Variants in CPEB4 observed in about 807,000 individuals in gnomAD.
CPEB4 encodes the protein cytoplasmic polyadenylation element-binding protein 4.
CPEB4 carries 12 observed loss-of-function variants against 72.5 expected under a neutral mutation model. The ratio of observed to expected loss-of-function variants is 0.17; its 90% CI spans 0.11 to 0.27. CPEB4 has a LOEUF of 0.27. CPEB4 is among the 10% of genes least tolerant of loss of function. CPEB4 has a pLI of 1.00. For synonymous variants in CPEB4, 302 were observed against 326.3 expected, an observed-to-expected ratio of 0.93 and a Z score of 0.80; for missense variants, 614 against 908.5, an observed-to-expected ratio of 0.68 and a Z score of 4.17.
intron 1 of CPEB4, chr5:173,891,696 G>A: frequency 6.6e-6 from 1 of 152,114 alleles, no homozygotes; most frequent in African/African-American, 2.4e-5. Context: ...TTGAATTAAT[G>A]AGCAGCAAGT....
chr5:173,933,280 T>C (rs1026732658), intron 3 of CPEB4, among the ~76,000 whole-genome samples: 6 of 152,226 alleles, frequency 3.9e-5, no homozygotes, highest in Non-Finnish European at 8.8e-5. Flanking sequence ...ATGGACTAAA[T>C]AGCTATATTC....
intron 1 of CPEB4, among the ~76,000 whole-genome samples, chr5:173,898,912 C>T (rs1045204890): frequency 1.3e-5 from 2 of 152,184 alleles, no homozygotes; most frequent in African/African-American, 2.4e-5. Flanking sequence ...GTGATCCGCT[C>T]GCTTTGGCCT....
At chr5:173,913,799 A>G (rs546030812) in intron 2 of CPEB4, among the ~76,000 whole-genome samples, 1 of 152,212 alleles carries the variant, frequency 6.6e-6, no homozygotes, top group Non-Finnish European at 1.5e-5. Context: ...CTGCAACGTG[A>G]TGGAATAGAA....
At chr5:173,943,691 T>A (rs1353640404) in intron 4 of CPEB4, among the ~76,000 whole-genome samples, 3 of 152,192 alleles carry the variant, frequency 2.0e-5, no homozygotes, top group Non-Finnish European at 2.9e-5. Flanking sequence ...GATAAGTGAT[T>A]TTTTTAAGAT....
intron 2 of CPEB4, among the ~76,000 whole-genome samples, chr5:173,932,009 C>T (rs781550773): frequency 1.3e-5 from 2 of 152,168 alleles, no homozygotes; most frequent in Non-Finnish European, 2.9e-5. Context: ...TTTCCCCAAA[C>T]CTGAAATTAA....
At chr5:173,901,647 G>C (rs1756237004) in intron 1 of CPEB4, among the ~76,000 whole-genome samples, 1 of 152,164 alleles carries the variant, frequency 6.6e-6, no homozygotes, top group Non-Finnish European at 1.5e-5. Flanking sequence ...CACTTACTGT[G>C]TGACTTTGTA....
At chr5:173,914,493 C>T (rs1756790365) in intron 2 of CPEB4, among the ~76,000 whole-genome samples, 1 of 152,154 alleles carries the variant, frequency 6.6e-6, no homozygotes, top group Admixed American at 6.5e-5. Flanking sequence ...TGGTAGCTCA[C>T]ACCTGTAACC....
At position 173,889,257 on chromosome 5, in the gene CPEB4, C is replaced by T. The variant is rs1287217871; in HGVS notation, c.-477C>T. The T allele has an allele frequency of 6.6e-6, 1 of 151,678 alleles. No individual in the cohort carries two copies. The highest frequency in any genetic ancestry group is 1.5e-5 in the Non-Finnish European group (1 of 68,014). The allele number at this position is 151,678 out of a possible 1,614,324, so 9.4% of individuals were successfully genotyped here. A position where few individuals can be genotyped will look rare whatever the true frequency, so the allele number is the denominator to read the frequency against. On this transcript the variant is annotated 5_prime_UTR_variant, in exon 1 of 10. Coordinates refer to ENST00000265085, the MANE Select transcript of CPEB4 (RefSeq NM_030627.4). Reference sequence around the variant, plus strand: ...AAAAGAACGTATTCCCCTCTTAGTCCTATTCTAATTTTTATGTGAGTGAAT... The same window carrying T: ...AAAAGAACGTATTCCCCTCTTAGTCTTATTCTAATTTTTATGTGAGTGAAT...
chr5:173,890,526 A>C lies in CPEB4; in HGVS notation c.793A>C (p.Asn265His), dbSNP rs745317930. 6.2e-7 allele frequency: 1 copy of C among 1,614,052 alleles called. No individual in the cohort carries two copies. The highest frequency in any genetic ancestry group is 8.5e-7 in the Non-Finnish European group (1 of 1,180,012). ...SPHPPPFTHR[N>H]AAFNQLPHLA... Reference sequence around the variant, plus strand: ...CCATCCCCCACCCTTCACACATAGAAATGCTGCTTTTAACCAGCTGCCTCA... The same window carrying C: ...CCATCCCCCACCCTTCACACATAGACATGCTGCTTTTAACCAGCTGCCTCA... The change falls in exon 1 of 10, where the codon AAT (asparagine) becomes CAT (histidine). Residue 265 changes from asparagine to histidine, a missense_variant. Physicochemically the swap from Asn to His is moderately conservative, Grantham distance 68. Coordinates refer to ENST00000265085, the MANE Select transcript of CPEB4 (RefSeq NM_030627.4).
In CPEB4 at chr5:173,890,269, C is replaced by T; in HGVS notation, c.536C>T (p.Ser179Phe). ...TGGTCAGCAGCGATAGCGCCTTCCT[C>T]CTCTACAATAATCAATGAAGATGCA... ...SNWSAAIAPSSSTIINEDASF... is the reference protein window; with the variant it reads ...SNWSAAIAPSFSTIINEDASF... The change falls in exon 1 of 10, where the codon TCC becomes TTC. Residue 179 changes from serine (S) to phenylalanine (F), a missense_variant. Physicochemically the swap from Ser to Phe is radical, Grantham distance 155. Transcript: ENST00000265085. The T allele has an allele frequency of 6.2e-7, 1 of 1,614,106 alleles. No individual in the cohort carries two copies. The highest frequency in any genetic ancestry group is 8.5e-7 in the Non-Finnish European group (1 of 1,179,976).
chr5:173,902,274 A>T (rs183409198), intron 1 of CPEB4, among the ~76,000 whole-genome samples: 1 of 152,306 alleles, frequency 6.6e-6, no homozygotes, highest in East Asian at 1.9e-4. Context: ...CAGAAAGAGA[A>T]ACTTCTGTAG....
chr5:173,921,516 T>C (rs1334585037), intron 2 of CPEB4, among the ~76,000 whole-genome samples: 2 of 152,190 alleles, frequency 1.3e-5, no homozygotes, highest in African/African-American at 4.8e-5. Flanking sequence ...TTTTGGAGCT[T>C]CCTGACATCT....
rs1332325837 is a variant in CPEB4 at position 173,900,558 on chromosome 5, C to T, written c.1125+9700C>T. 6.6e-6 allele frequency among the ~76,000 whole-genome samples: 1 copy of T among 152,150 alleles called. No individual in the cohort carries two copies. The highest frequency in any genetic ancestry group is 2.4e-5 in the African/African-American group (1 of 41,424). ...CAAGGCTGAGTGTTAGTATTGTTTACCTGCTTTCCTTGAACTAATGACTTC... is the reference window on the plus strand; with the variant it reads ...CAAGGCTGAGTGTTAGTATTGTTTATCTGCTTTCCTTGAACTAATGACTTC... On this transcript the variant is annotated intron_variant, in intron 1 of 9. Coordinates refer to ENST00000265085, the MANE Select transcript of CPEB4 (RefSeq NM_030627.4). The surrounding 1 kb of genome is among the most constrained non-coding windows in gnomAD (Gnocchi z 4.4).
rs145867682 is a variant in CPEB4 at position 173,897,804 on chromosome 5, G to T, written c.1125+6946G>T. 3.3e-3 allele frequency among the ~76,000 whole-genome samples: 502 copies of T among 151,992 alleles called. 1 individual carries two copies. Among genetic ancestry groups the T allele is most frequent in the African/African-American group, 0.012 (480 of 41,486 alleles). On this transcript the variant is annotated intron_variant, in intron 1 of 9. Transcript: ENST00000265085. Reference sequence around the variant, plus strand: ...TTTTTAGAAAATTATAATGTTTTTGGAAAAATATTTGGAAAGTGTAATTAT... The same window carrying T: ...TTTTTAGAAAATTATAATGTTTTTGTAAAAATATTTGGAAAGTGTAATTAT...
chr5:173,952,956 T>G, intron 8 of CPEB4, 135 bp from the exon 9 acceptor site: 1 of 688,562 alleles, frequency 1.5e-6, no homozygotes, highest in Non-Finnish European at 2.4e-6. Context: ...TGACTGGTTG[T>G]AGTAATGTTT....
chr5:173,913,843 C>G (rs182072728), intron 2 of CPEB4, among the ~76,000 whole-genome samples: 1 of 152,176 alleles, frequency 6.6e-6, no homozygotes, highest in African/African-American at 2.4e-5. Context: ...TCTGGTTAAA[C>G]GGCCACTCTG....
chr5:173,906,255 A>C (rs1756432110), intron 1 of CPEB4, among the ~76,000 whole-genome samples: 1 of 152,222 alleles, frequency 6.6e-6, no homozygotes, highest in Non-Finnish European at 1.5e-5. Context: ...CTGTTCTTAT[A>C]CTTTGGGTTT....
intron 1 of CPEB4, among the ~76,000 whole-genome samples, chr5:173,892,040 C>T (rs547530126): frequency 6.6e-6 from 1 of 151,312 alleles, no homozygotes; most frequent in Admixed American, 6.6e-5. Context: ...ACATGTGCTA[C>T]AGCTAGAGGG....
chr5:173,895,367 C>T (rs1431171643), intron 1 of CPEB4, among the ~76,000 whole-genome samples: 2 of 152,198 alleles, frequency 1.3e-5, no homozygotes, highest in African/African-American at 4.8e-5. Context: ...TTAACTACAG[C>T]TCAATTATGT....
Sources: gnomAD v4.1 joint callset for allele counts (sites outside exome capture counted in the v4.1 genomes callset) on GRCh38, gnomAD v4.1.1 for gene constraint, Gnocchi (gnomAD v3.1) non-coding constraint, MANE v1.5 for transcripts, NCBI Gene and HGNC (gene_info 2026-07-23, HGNC 2026-07-21) for gene names.